The following CDR2 variants were observed in gnomAD, a reference collection of about 807,000 sequenced individuals.
The protein encoded by CDR2 is cerebellar degeneration related protein 2.
A neutral mutation model predicts 48.4 loss-of-function variants in CDR2; 34 were observed. The ratio of observed to expected loss-of-function variants is 0.70; its 90% CI spans 0.53 to 0.94. The LOEUF (loss-of-function observed/expected upper bound fraction) is 0.94, where lower values mean the gene tolerates loss of function less well. Among genes scored for constraint, CDR2 ranks in the 40% least tolerant of loss-of-function variants. The probability of loss-of-function intolerance (pLI) is 0.00; values close to 1 mark genes in which losing one functional copy is unlikely to be tolerated. For synonymous variants in CDR2, 240 were observed against 219.7 expected, an observed-to-expected ratio of 1.09 and a Z score of -0.82; for missense variants, 498 against 549.5, an observed-to-expected ratio of 0.91 and a Z score of 0.94.
Position 22,347,157 on chromosome 16 carries a change from T to G in CDR2, c.1173A>C (p.Gly391=), listed in dbSNP as rs769961851. The G allele has an allele frequency of 5.0e-6, 8 of 1,614,172 alleles. No individual in the cohort carries two copies. Among genetic ancestry groups the G allele is most frequent in the Non-Finnish European group, 6.8e-6 (8 of 1,179,984 alleles). Residue 391 remains glycine, a synonymous_variant, in exon 5 of 5, where the codon GGA becomes GGC. Coordinates refer to ENST00000268383, the MANE Select transcript of CDR2 (RefSeq NM_001802.2). ...CAACAGGCTCAGACTGGGCGTTCACTCCAGTCAGGTCCTTGGCTGCAGCCC... is the reference window on the plus strand; with the variant it reads ...CAACAGGCTCAGACTGGGCGTTCACGCCAGTCAGGTCCTTGGCTGCAGCCC... The part of the protein sequence containing the change: ...TSRAAAKDLT[G]VNAQSEPVAS...
At chr16:22,362,123 G>A (rs917742056) in intron 2 of CDR2, among the ~76,000 whole-genome samples, 22 of 152,132 alleles carry the variant, frequency 1.4e-4, no homozygotes, top group South Asian at 2.1e-4. Flanking sequence ...GGATGGTCTC[G>A]ATTTCCTGAC....
intron 1 of CDR2, chr16:22,366,917 A>G (rs1175099954): frequency 6.6e-6 from 1 of 152,332 alleles, no homozygotes; most frequent in African/African-American, 2.4e-5. Context: ...GAATTCTGAC[A>G]TGTTTTGAAA....
chr16:22,350,209 C>A (rs1386667247), intron 2 of CDR2, among the ~76,000 whole-genome samples: 1 of 151,940 alleles, frequency 6.6e-6, no homozygotes. Context: ...AAAAAGATAC[C>A]TGCTGTTCTG....
At chr16:22,363,131 A>G (rs2049021344) in intron 2 of CDR2, among the ~76,000 whole-genome samples, 3 of 151,412 alleles carry the variant, frequency 2.0e-5, no homozygotes, top group Non-Finnish European at 4.4e-5. Flanking sequence ...TAGTACAGAC[A>G]AAGTTTCACC....
rs1168496295 is a variant in CDR2, at chr16:22,346,223, A to G, written c.*742T>C. ...TTCCCCTTTAGTTTGAATTTGAGAA[A>G]GTGATAAAAGATTTACATATTCACC... On this transcript the variant is annotated 3_prime_UTR_variant, in exon 5 of 5. Transcript: ENST00000268383. The G allele has an allele frequency of 6.6e-6, 1 of 152,538 alleles. No individual in the cohort carries two copies. The highest frequency in any genetic ancestry group is 1.5e-5 in the Non-Finnish European group (1 of 68,046). The allele number at this position is 152,538 out of a possible 1,614,324, so 9.4% of individuals were successfully genotyped here.
intron 2 of CDR2, among the ~76,000 whole-genome samples, chr16:22,357,072 T>C (rs1303872397): frequency 6.6e-6 from 1 of 152,176 alleles, no homozygotes; most frequent in Non-Finnish European, 1.5e-5. Flanking sequence ...TTTGTTGTTG[T>C]TGAGATGGAG....
At chr16:22,354,068 A>C (rs1332059748) in intron 2 of CDR2, among the ~76,000 whole-genome samples, 1 of 152,240 alleles carries the variant, frequency 6.6e-6, no homozygotes, top group East Asian at 1.9e-4. Flanking sequence ...TTCAAACTTT[A>C]CATGTGCTAA....
At chr16:22,372,054 G>A (rs887797518) in intron 1 of CDR2, among the ~76,000 whole-genome samples, 2 of 152,130 alleles carry the variant, frequency 1.3e-5, no homozygotes, top group African/African-American at 2.4e-5. Flanking sequence ...ATTTTTAGTG[G>A]AGATGGAGTT....
At chr16:22,367,828 A>G (rs2049052695) in intron 1 of CDR2, among the ~76,000 whole-genome samples, 2 of 152,218 alleles carry the variant, frequency 1.3e-5, no homozygotes, top group South Asian at 4.1e-4. Context: ...AACATTTTAC[A>G]CCCATTTAAA....
chr16:22,374,595 C>G lies in CDR2; in HGVS notation c.-286G>C, dbSNP rs996811036. The G allele has an allele frequency of 5.8e-5, 10 of 173,096 alleles. No homozygotes were observed. The highest frequency in any genetic ancestry group is 1.4e-4 in the African/African-American group (6 of 42,040). The allele number at this position is 173,096 out of a possible 1,614,324, so 10.7% of individuals were successfully genotyped here. On this transcript the variant is annotated 5_prime_UTR_variant, in exon 1 of 5. Transcript: ENST00000268383. ...CAGCCGCCAGTCTTCACGCCGCCGCCGGGCCCAACGTGGCACTTTGGCAGA... is the reference window on the plus strand; with the variant it reads ...CAGCCGCCAGTCTTCACGCCGCCGCGGGGCCCAACGTGGCACTTTGGCAGA...
intron 2 of CDR2, among the ~76,000 whole-genome samples, chr16:22,354,888 T>A (rs1431634163): frequency 6.6e-6 from 1 of 152,096 alleles, no homozygotes; most frequent in Non-Finnish European, 1.5e-5. Context: ...AGTGAGACTA[T>A]GTCTAAAAAT....
intron 2 of CDR2, among the ~76,000 whole-genome samples, chr16:22,352,122 C>T (rs867540345): frequency 2.6e-4 from 40 of 152,124 alleles, no homozygotes; most frequent in African/African-American, 9.2e-4. Flanking sequence ...CGTGGTGGCA[C>T]GCGCCTGTAA....
chr16:22,347,256 C>T lies in CDR2; in HGVS notation c.1074G>A (p.Val358=), dbSNP rs537659389. ...ACTTCTTCAGCAACTCTTCATACTTCACCTTCAGGGCGCTGTACTGCGTGT... is the reference window on the plus strand; with the variant it reads ...ACTTCTTCAGCAACTCTTCATACTTTACCTTCAGGGCGCTGTACTGCGTGT... ...EVDTQYSALK[V]KYEELLKKCQ... is the part of the protein sequence containing the mutation. Residue 358 remains valine, a synonymous_variant, in exon 5 of 5, where the codon GTG becomes GTA. Coordinates refer to ENST00000268383, the MANE Select transcript of CDR2 (RefSeq NM_001802.2). 1.9e-6 allele frequency: 3 copies of T among 1,614,236 alleles called. No individual in the cohort carries two copies. The South Asian group carries it at 3.3e-5, about 18-fold the overall frequency.
At chr16:22,365,125 G>A in intron 1 of CDR2, 111 bp from the exon 2 acceptor site, 1 of 702,194 alleles carries the variant, frequency 1.4e-6, no homozygotes, top group South Asian at 1.8e-5. Flanking sequence ...CCAATGGAAG[G>A]TGGAGTGGCA....
rs2048917188 is a variant in CDR2, at chr16:22,347,779, A to G, written c.551T>C (p.Leu184Ser). 6.2e-7 allele frequency: 1 copy of G among 1,613,786 alleles called. No homozygotes were observed. ...TTCATCAGGGCTTGGCTGACCTTGC[A>G]AGGAAGTGATCTTCTCAGCGAACAC... is the stretch of plus-strand genomic sequence containing the variant. ...DHVFAEKITS[L>S]QGQPSPDEEE... is the part of the protein sequence containing the mutation. The change falls in exon 5 of 5, where the codon TTG (leucine) becomes TCG (serine). Residue 184 changes from leucine to serine, a missense_variant. Physicochemically the swap from Leu to Ser is moderately radical, Grantham distance 145. Transcript: ENST00000268383.
chr16:22,371,325 G>A (rs1486565340), intron 1 of CDR2, among the ~76,000 whole-genome samples: 1 of 152,166 alleles, frequency 6.6e-6, no homozygotes, highest in East Asian at 1.9e-4. Context: ...TAGACTTGCT[G>A]AATAATCTGT....
intron 2 of CDR2, among the ~76,000 whole-genome samples, chr16:22,360,677 G>A (rs1215715089): frequency 6.6e-6 from 1 of 151,000 alleles, no homozygotes; most frequent in Non-Finnish European, 1.5e-5. Flanking sequence ...TTTCACTGGT[G>A]GTGGGATAGG....
chr16:22,373,658 C>T (rs1220567208), intron 1 of CDR2, among the ~76,000 whole-genome samples: 1 of 152,238 alleles, frequency 6.6e-6, no homozygotes, highest in Non-Finnish European at 1.5e-5. Flanking sequence ...TTTCACACTG[C>T]GTGCCTGTAT....
chr16:22,373,571 A>G (rs2049093413), intron 1 of CDR2, among the ~76,000 whole-genome samples: 1 of 152,240 alleles, frequency 6.6e-6, no homozygotes, highest in African/African-American at 2.4e-5. Context: ...ATGGGATAAC[A>G]AAAGTGTGTA....
Sources: gnomAD v4.1 joint callset for allele counts (sites outside exome capture counted in the v4.1 genomes callset) on GRCh38, gnomAD v4.1.1 for gene constraint, MANE v1.5 for transcripts, NCBI Gene and HGNC (gene_info 2026-07-23, HGNC 2026-07-21) for gene names.